Variants in TNFRSF10A observed in about 807,000 individuals in gnomAD.
The protein encoded by TNFRSF10A is tumor necrosis factor receptor superfamily member 10A.
A neutral mutation model predicts 42.8 loss-of-function variants in TNFRSF10A; 44 were observed. The ratio of observed to expected loss-of-function variants is 1.03; its 90% CI spans 0.81 to 1.32. The LOEUF (loss-of-function observed/expected upper bound fraction) is 1.32. Among genes scored for constraint, TNFRSF10A ranks in the 40% most tolerant of loss-of-function variants. The pLI is 0.00. For missense variants in TNFRSF10A, 680 were observed against 602.0 expected, an observed-to-expected ratio of 1.13 and a Z score of -1.36; for synonymous variants, 259 against 234.2, an observed-to-expected ratio of 1.11 and a Z score of -0.97.
Position 23,197,133 on chromosome 8 carries a change from C to G in TNFRSF10A, c.1086G>C (p.Glu362Asp), listed in dbSNP as rs140442292. ...LVPANGADPTETLMLFFDKFA... is the reference protein window; with the variant it reads ...LVPANGADPTDTLMLFFDKFA... ...CATCTCCAGGAGCAAAACACTTACT[C>G]TCAGTGGGGTCAGCACCATTTGCTG... The change falls in exon 9 of 10, where the codon GAG (glutamate) becomes GAC (aspartate). Residue 362 changes from glutamate to aspartate, a missense_variant and splice_region_variant. Glu to Asp is a conservative substitution (Grantham distance 45). Coordinates refer to ENST00000221132, the MANE Select transcript of TNFRSF10A (RefSeq NM_003844.4). The G allele has an allele frequency of 4.3e-6, 7 of 1,614,078 alleles. No individual in the cohort carries two copies. The African/African-American group carries it at 8.0e-5, about 18-fold the overall frequency.
At chr8:23,218,931 G>A (rs939669651) in intron 1 of TNFRSF10A, among the ~76,000 whole-genome samples, 2 of 152,240 alleles carry the variant, frequency 1.3e-5, no homozygotes, top group African/African-American at 4.8e-5. Context: ...CGCAAGTACT[G>A]TATTTCAGCA....
At chr8:23,217,606 T>G (rs1342721980) in intron 1 of TNFRSF10A, among the ~76,000 whole-genome samples, 1 of 152,190 alleles carries the variant, frequency 6.6e-6, no homozygotes, top group East Asian at 1.9e-4. Flanking sequence ...CTGGTGACTC[T>G]GGACCTGGAC....
chr8:23,196,172 G>A (rs188856567), intron 9 of TNFRSF10A, among the ~76,000 whole-genome samples: 40 of 151,884 alleles, frequency 2.6e-4, no homozygotes, highest in Middle Eastern at 3.4e-3. Flanking sequence ...CCCCTCCCTA[G>A]TTCCTGTTTT....
At chr8:23,216,854 T>C (rs546479456) in intron 1 of TNFRSF10A, among the ~76,000 whole-genome samples, 1 of 152,370 alleles carries the variant, frequency 6.6e-6, no homozygotes, top group African/African-American at 2.4e-5. Flanking sequence ...CTAGATATTG[T>C]TATTGCTTAA....
intron 1 of TNFRSF10A, among the ~76,000 whole-genome samples, chr8:23,221,624 T>C (rs1286354213): frequency 6.6e-6 from 1 of 152,158 alleles, no homozygotes; most frequent in Admixed American, 6.5e-5. Context: ...TGGCAGGAAC[T>C]GGCCCCAGCC....
intron 2 of TNFRSF10A, 124 bp downstream of exon 2, chr8:23,211,992 A>G (rs527900409): frequency 4.2e-4 from 354 of 845,556 alleles, no homozygotes; most frequent in Non-Finnish European, 5.0e-4. Flanking sequence ...AAACTGTAGG[A>G]AACAGAAAAC....
Position 23,197,148 on chromosome 8 carries a change from A to C in TNFRSF10A, c.1071T>G (p.Gly357=). 1 of 1,614,102 alleles carries C rather than the reference A, an allele frequency of 6.2e-7. No individual in the cohort carries two copies. The highest frequency in any genetic ancestry group is 8.5e-7 in the Non-Finnish European group (1 of 1,179,986). ...AACACTTACTCTCAGTGGGGTCAGC[A>C]CCATTTGCTGGAACCAGCAGCCTCC... The part of the protein sequence containing the change: ...QRRRLLVPAN[G]ADPTETLMLF... Residue 357 remains glycine (G), a synonymous_variant, in exon 9 of 10, where the codon GGT becomes GGG. Transcript: ENST00000221132.
At chr8:23,193,972 C>T (rs11775256) in intron 9 of TNFRSF10A, among the ~76,000 whole-genome samples, 31,936 of 152,010 alleles carry the variant, frequency 0.21, 3,700 homozygotes, top group Non-Finnish European at 0.27. Flanking sequence ...TTAGTTGGTT[C>T]TAGGTGGTGT....
At chr8:23,195,944 A>G (rs1800817427) in intron 9 of TNFRSF10A, among the ~76,000 whole-genome samples, 1 of 152,290 alleles carries the variant, frequency 6.6e-6, no homozygotes, top group South Asian at 2.1e-4. Context: ...AATCAACCCA[A>G]TATGTCCATC....
chr8:23,202,183 G>A (rs1397582599), intron 3 of TNFRSF10A, among the ~76,000 whole-genome samples: 1 of 152,194 alleles, frequency 6.6e-6, no homozygotes, highest in Non-Finnish European at 1.5e-5. Flanking sequence ...AGATCGCATG[G>A]TCAGTAGCAA....
intron 9 of TNFRSF10A, 28 bp from the exon 10 acceptor site, chr8:23,192,041 C>T: frequency 6.3e-7 from 1 of 1,594,674 alleles, no homozygotes; most frequent in East Asian, 2.2e-5. Context: ...CAGAGACAGC[C>T]AGATGAGTTG....
intron 1 of TNFRSF10A, among the ~76,000 whole-genome samples, chr8:23,221,290 CTAGTT>C (rs1563387755): frequency 1.3e-5 from 2 of 152,230 alleles, no homozygotes; most frequent in Non-Finnish European, 1.5e-5. Context: ...TTATATCCAC[CTAGTT>C]TATAGGAAGG....
chr8:23,206,722 A>C (rs1340648037), intron 2 of TNFRSF10A, among the ~76,000 whole-genome samples: 1 of 152,208 alleles, frequency 6.6e-6, no homozygotes, highest in Non-Finnish European at 1.5e-5. Flanking sequence ...ATAGAAATAA[A>C]AAAATTATAA....
At chr8:23,208,521 A>C (rs1403196975) in intron 2 of TNFRSF10A, among the ~76,000 whole-genome samples, 1 of 152,074 alleles carries the variant, frequency 6.6e-6, no homozygotes, top group African/African-American at 2.4e-5. Context: ...CAGTGGCATG[A>C]TCTCGGCTCA....
chr8:23,208,617 G>T, intron 2 of TNFRSF10A, among the ~76,000 whole-genome samples: 1 of 151,894 alleles, frequency 6.6e-6, no homozygotes, highest in East Asian at 1.9e-4. Context: ...CACCATGCCT[G>T]GCTAATTTTT....
intron 2 of TNFRSF10A, among the ~76,000 whole-genome samples, chr8:23,203,658 C>T (rs1301798053): frequency 6.6e-6 from 1 of 152,184 alleles, no homozygotes; most frequent in African/African-American, 2.4e-5. Flanking sequence ...TTAGAAAACC[C>T]AAACTGTGGA....
intron 1 of TNFRSF10A, among the ~76,000 whole-genome samples, chr8:23,215,493 G>A (rs992457762): frequency 6.6e-6 from 1 of 151,550 alleles, no homozygotes. Flanking sequence ...GCATGACAGA[G>A]CGAGACTCCG....
chr8:23,204,602 A>G (rs1800979343), intron 2 of TNFRSF10A, among the ~76,000 whole-genome samples: 1 of 152,216 alleles, frequency 6.6e-6, no homozygotes, highest in Admixed American at 6.5e-5. Context: ...CAAGATACAC[A>G]TTCTTTTAAA....
At chr8:23,199,736 G>T in intron 7 of TNFRSF10A, 150 bp downstream of exon 7, 1 of 1,111,392 alleles carries the variant, frequency 9.0e-7, no homozygotes, top group Non-Finnish European at 1.3e-6. Context: ...AAGGGCCTGT[G>T]TCCCCCATAG....
Sources: allele counts gnomAD v4.1 joint callset (sites outside exome capture counted in the v4.1 genomes callset), GRCh38; gene constraint gnomAD v4.1.1; transcripts MANE v1.5; gene names NCBI Gene and HGNC (gene_info 2026-07-23, HGNC 2026-07-21).